GLG1: variants seen among roughly 807,000 people sequenced by gnomAD.
GLG1 encodes Golgi apparatus protein 1.
GLG1 carries 38 observed loss-of-function variants against 160.5 expected under a neutral mutation model. The observed-to-expected ratio is 0.24, with a 90% CI of 0.18 to 0.31. The LOEUF (loss-of-function observed/expected upper bound fraction) is 0.31. Among genes scored for constraint, GLG1 ranks in the 10% least tolerant of loss-of-function variants. GLG1 has a pLI of 1.00. For missense variants in GLG1, 1,373 were observed against 1,505.2 expected, an observed-to-expected ratio of 0.91 and a Z score of 1.45; for synonymous variants, 644 against 543.4, an observed-to-expected ratio of 1.19 and a Z score of -2.57.
chr16:74,597,320 A>T (rs981560316), intron 1 of GLG1, among the ~76,000 whole-genome samples: 1 of 151,218 alleles, frequency 6.6e-6, no homozygotes, highest in African/African-American at 2.4e-5. Context: ...AGTCCCAGCT[A>T]CTCAGGAGGC....
Position 74,560,406 on chromosome 16 carries a change from C to A in GLG1, c.439-28253G>T, listed in dbSNP as rs1597347761. 2.0e-5 allele frequency among the ~76,000 whole-genome samples: 3 copies of A among 148,628 alleles called. No homozygotes were observed. The Admixed American group carries it at 2.1e-4, about 10-fold the overall frequency. ...GCAATGGCACGATCTCAGCTCACTG[C>A]AACCTCCGTCTTCCAGGTTCAAGCG... On this transcript the variant is annotated intron_variant, in intron 1 of 25. Coordinates refer to ENST00000422840, the MANE Select transcript of GLG1 (RefSeq NM_001145667.2).
At chr16:74,472,562 C>T (rs968448383) in intron 13 of GLG1, 151 bp from the exon 14 acceptor site, 10 of 1,489,726 alleles carry the variant, frequency 6.7e-6, no homozygotes, top group African/African-American at 1.4e-5. Context: ...GTAGATAGCC[C>T]CAGAATAAAT....
chr16:74,454,066 G>C (rs955272665), intron 25 of GLG1, among the ~76,000 whole-genome samples: 10 of 151,620 alleles, frequency 6.6e-5, no homozygotes, highest in Admixed American at 6.6e-4. Flanking sequence ...GTAGAGACGG[G>C]GTTTCACTGT....
intron 1 of GLG1, among the ~76,000 whole-genome samples, chr16:74,565,148 G>C (rs1297025551): frequency 6.6e-6 from 1 of 152,092 alleles, no homozygotes; most frequent in Non-Finnish European, 1.5e-5. Context: ...AGACCAACAT[G>C]GTGAAATCTG....
At chr16:74,590,957 A>T (rs1037172003) in intron 1 of GLG1, among the ~76,000 whole-genome samples, 3 of 151,796 alleles carry the variant, frequency 2.0e-5, no homozygotes, top group Non-Finnish European at 4.4e-5. Context: ...TAAAAAAAAA[A>T]AAAATTAAAA....
intron 1 of GLG1, among the ~76,000 whole-genome samples, chr16:74,582,394 G>A (rs1482005814): frequency 1.3e-5 from 2 of 152,014 alleles, no homozygotes; most frequent in African/African-American, 4.8e-5. Flanking sequence ...TTGAACTCCT[G>A]ACCTCAGGTG....
chr16:74,578,101 C>T (rs1957856069), intron 1 of GLG1, among the ~76,000 whole-genome samples: 1 of 152,122 alleles, frequency 6.6e-6, no homozygotes, highest in African/African-American at 2.4e-5. Flanking sequence ...TTTTGGTTGT[C>T]TGAGGTATTT....
intron 11 of GLG1, among the ~76,000 whole-genome samples, chr16:74,478,781 G>T (rs371773679): frequency 5.3e-5 from 8 of 151,082 alleles, no homozygotes; most frequent in Non-Finnish European, 1.0e-4. Context: ...GCGTAGTGGC[G>T]CATGCCTGTA....
At chr16:74,590,535 G>C in intron 1 of GLG1, among the ~76,000 whole-genome samples, 1 of 150,690 alleles carries the variant, frequency 6.6e-6, no homozygotes, top group Admixed American at 6.6e-5. Flanking sequence ...GCAGGAGAAT[G>C]GCGTGAATCC....
At chr16:74,538,926 G>A (rs1362738646) in intron 1 of GLG1, among the ~76,000 whole-genome samples, 1 of 151,594 alleles carries the variant, frequency 6.6e-6, no homozygotes, top group Non-Finnish European at 1.5e-5. Context: ...GTTTCATGGA[G>A]GGTACATTTG....
chr16:74,603,121 A>G (rs1958482503), intron 1 of GLG1, among the ~76,000 whole-genome samples: 1 of 152,046 alleles, frequency 6.6e-6, no homozygotes, highest in Non-Finnish European at 1.5e-5. Context: ...CAGCAGCAGC[A>G]GCAGCAGCAG....
intron 23 of GLG1, chr16:74,458,326 C>T (rs1026687345): frequency 1.6e-5 from 3 of 191,216 alleles, no homozygotes; most frequent in African/African-American, 2.3e-5. Context: ...TGGTGTGATA[C>T]AATTACTGTG....
At chr16:74,541,021 G>A (rs1470463690) in intron 1 of GLG1, among the ~76,000 whole-genome samples, 5 of 152,052 alleles carry the variant, frequency 3.3e-5, no homozygotes, top group African/African-American at 9.7e-5. Flanking sequence ...TACTACTACC[G>A]AAATACAGTA....
chr16:74,575,292 G>C (rs955853427), intron 1 of GLG1, among the ~76,000 whole-genome samples: 4 of 151,934 alleles, frequency 2.6e-5, no homozygotes, highest in Non-Finnish European at 5.9e-5. Context: ...ATACAAATGA[G>C]TAAACTGTCT....
chr16:74,581,025 C>T (rs1015583504), intron 1 of GLG1, among the ~76,000 whole-genome samples: 6 of 152,190 alleles, frequency 3.9e-5, no homozygotes, highest in African/African-American at 1.4e-4. Flanking sequence ...GAAATTAGAA[C>T]TCTCTGAACT....
Position 74,494,727 on chromosome 16 carries a change from T to G in GLG1, c.1050+33A>C, listed in dbSNP as rs748356939. The G allele has an allele frequency of 5.0e-6, 5 of 997,340 alleles. No individual in the cohort carries two copies. In the East Asian group the frequency reaches 1.2e-4, roughly 24 times the overall value. 61.8% of individuals were successfully genotyped at this position (997,340 alleles called of 1,614,324 possible). A position where few individuals can be genotyped will look rare whatever the true frequency, so the allele number is the denominator to read the frequency against. On this transcript the variant is annotated intron_variant, in intron 6 of 25. Coordinates refer to ENST00000422840, the MANE Select transcript of GLG1 (RefSeq NM_001145667.2). Reference sequence around the variant, plus strand: ...GCTGAGAAAGCTTTTAAAAAACAAATAAAACATTCATTAGTTTCAAAATAA... The same window carrying G: ...GCTGAGAAAGCTTTTAAAAAACAAAGAAAACATTCATTAGTTTCAAAATAA...
chr16:74,455,570 T>C (rs1295465912), intron 25 of GLG1, among the ~76,000 whole-genome samples: 1 of 152,210 alleles, frequency 6.6e-6, no homozygotes, highest in Non-Finnish European at 1.5e-5. Flanking sequence ...ACAGGAGCCC[T>C]CCCTTGTACC....
At chr16:74,583,175 A>T (rs1226485507) in intron 1 of GLG1, among the ~76,000 whole-genome samples, 1 of 152,076 alleles carries the variant, frequency 6.6e-6, no homozygotes, top group Non-Finnish European at 1.5e-5. Context: ...ATAGTCTTCT[A>T]TTTACACATT....
chr16:74,476,173 C>T (rs1028235391), intron 12 of GLG1, among the ~76,000 whole-genome samples: 2 of 151,660 alleles, frequency 1.3e-5, no homozygotes, highest in Non-Finnish European at 2.9e-5. Context: ...CAAAGTGAAA[C>T]TGTCTCAAAA....
Sources: allele counts gnomAD v4.1 joint callset (sites outside exome capture counted in the v4.1 genomes callset), GRCh38; gene constraint gnomAD v4.1.1; transcripts MANE v1.5; gene names NCBI Gene and HGNC (gene_info 2026-07-23, HGNC 2026-07-21).